SLC22A2: variants seen among roughly 807,000 people sequenced by gnomAD.
The protein encoded by SLC22A2 is solute carrier family 22 member 2.
Under a neutral mutation model 60.5 loss-of-function variants are expected in SLC22A2, and 46 were observed. The observed-to-expected ratio is 0.76, with a 90% CI of 0.60 to 0.97. The LOEUF is 0.97. Among genes scored for constraint, SLC22A2 ranks in the 50% least tolerant of loss-of-function variants. SLC22A2 has a pLI of 0.00. For synonymous variants in SLC22A2, 303 were observed against 267.0 expected (o/e 1.13, Z -1.31); for missense variants, 701 against 706.6 (o/e 0.99, Z 0.09).
At chr6:160,253,322 G>T (rs1783217477) in intron 2 of SLC22A2, among the ~76,000 whole-genome samples, 1 of 152,140 alleles carries the variant, frequency 6.6e-6, no homozygotes, top group Non-Finnish European at 1.5e-5. Flanking sequence ...GCAAATTAAG[G>T]GGTGGCTTAT....
chr6:160,243,763 TG>T lies in SLC22A2; in HGVS notation c.1087del (p.Gln363ArgfsTer31), dbSNP rs1783049420. On this transcript the variant is annotated frameshift_variant, in exon 7 of 11. Transcript: ENST00000366953. LOFTEE classifies it high-confidence loss of function. Reference protein sequence around the residue: ...YNWFTSSVLYQGLIMHMGLAG... With the variant: ...YNWFTSSVLYXGLIMHMGLAG... Reference sequence around the variant, plus strand: ...AAGGCCCATGTGCATGATGAGGCCCTGGTAGAGCACAGAGCTCGTGAACCTG... The same window carrying T: ...AAGGCCCATGTGCATGATGAGGCCCTGTAGAGCACAGAGCTCGTGAACCTG... The T allele has an allele frequency of 6.2e-7, 1 of 1,613,604 alleles. No homozygotes were observed. Among genetic ancestry groups the T allele is most frequent in the East Asian group, 2.2e-5 (1 of 44,882 alleles).
chr6:160,223,004 C>G (rs572483040), intron 10 of SLC22A2, among the ~76,000 whole-genome samples: 2 of 152,314 alleles, frequency 1.3e-5, no homozygotes, highest in East Asian at 3.9e-4. Flanking sequence ...TCTTCCAACT[C>G]TAAGACTCAA....
At chr6:160,241,016 G>A (rs936692486) in intron 9 of SLC22A2, among the ~76,000 whole-genome samples, 1 of 149,894 alleles carries the variant, frequency 6.7e-6, no homozygotes, top group Admixed American at 6.7e-5. Flanking sequence ...ATTGCCTTTT[G>A]CAAAATTTTA....
rs1554259562 is a variant in SLC22A2, at chr6:160,217,491, T to C, written c.1609A>G (p.Lys537Glu). Residue 537 changes from lysine (K) to glutamate (E), a missense_variant, in exon 11 of 11, where the codon AAA becomes GAA. By Grantham distance (56) the Lys-to-Glu change is moderately conservative. Coordinates refer to ENST00000366953, the MANE Select transcript of SLC22A2 (RefSeq NM_003058.4). Reference sequence around the variant, plus strand: ...AGGTAAATCATCTTTTCTTTATTTTTTCTTGGTCTGCAATAAGAAATAAAA... The same window carrying C: ...AGGTAAATCATCTTTTCTTTATTTTCTCTTGGTCTGCAATAAGAAATAAAA... ...EEAENMQRPR[K>E]NKEKMIYLQV... is the part of the protein sequence containing the mutation. 1 of 1,584,504 alleles carries C rather than the reference T, an allele frequency of 6.3e-7. No individual in the cohort carries two copies. The highest frequency in any genetic ancestry group is 8.7e-7 in the Non-Finnish European group (1 of 1,153,618).
At chr6:160,224,675 A>G (rs1177992335) in intron 10 of SLC22A2, 30 bp downstream of exon 10, 1 of 1,463,556 alleles carries the variant, frequency 6.8e-7, no homozygotes, top group Non-Finnish European at 9.5e-7. Flanking sequence ...CCTTTATAGA[A>G]CAATTCATTT....
intron 9 of SLC22A2, among the ~76,000 whole-genome samples, chr6:160,234,256 G>A (rs1462191772): frequency 6.6e-6 from 1 of 152,184 alleles, no homozygotes; most frequent in African/African-American, 2.4e-5. Context: ...CTGCACCCAG[G>A]TGAAATAAAC....
At chr6:160,258,289 T>G in intron 1 of SLC22A2, 55 bp downstream of exon 1, 757 of 1,528,920 alleles carry the variant, frequency 5.0e-4, no homozygotes, top group Non-Finnish European at 6.0e-4. Context: ...CTTGCTTCCT[T>G]GAGAAAATCT....
At chr6:160,241,932 A>G (rs1783010821) in intron 8 of SLC22A2, among the ~76,000 whole-genome samples, 1 of 90,518 alleles carries the variant, frequency 1.1e-5, no homozygotes, top group East Asian at 4.0e-4. Flanking sequence ...CTTGTTTTGT[A>G]TAAACCTTAA....
intron 6 of SLC22A2, chr6:160,244,387 G>A (rs1783059209): frequency 6.6e-6 from 1 of 152,500 alleles, no homozygotes; most frequent in East Asian, 1.9e-4. Flanking sequence ...CCAATGGAAT[G>A]ATTTATTTAG....
In SLC22A2 at chr6:160,256,692, C is replaced by T. The variant is rs757189482; in HGVS notation, c.440G>A (p.Trp147Ter). The T allele has an allele frequency of 6.2e-7, 1 of 1,613,820 alleles. No homozygotes were observed. Among genetic ancestry groups the T allele is most frequent in the Admixed American group, 1.7e-5 (1 of 60,018 alleles). Residue 147 changes from tryptophan (W) to a stop codon, truncating the protein, a stop_gained, in exon 2 of 11, where the codon TGG becomes TAG. Transcript: ENST00000366953. LOFTEE classifies it high-confidence loss of function. Reference protein sequence around the residue: ...TEFNLVCANSWMLDLFQSSVN... With the variant: ...TEFNLVCANS The stretch of plus-strand genomic sequence containing the variant: ...TGATGACTGGAATAGGTCCAACATC[C>T]AGGAGTTGGCACATACCAGGTTAAA...
At chr6:160,242,650 C>A (rs981881588) in intron 7 of SLC22A2, among the ~76,000 whole-genome samples, 17 of 152,068 alleles carry the variant, frequency 1.1e-4, no homozygotes, top group African/African-American at 4.1e-4. Context: ...AAGTTCACAG[C>A]AAAATGGAGA....
rs267600883 is a variant in SLC22A2 at position 160,250,671 on chromosome 6, C to T, written c.550G>A (p.Val184Ile). The change falls in exon 3 of 11, where the codon GTC (valine) becomes ATC (isoleucine). Residue 184 changes from valine (V) to isoleucine (I), a missense_variant. By Grantham distance (29) the Val-to-Ile change is conservative (BLOSUM62 3). Coordinates refer to ENST00000366953, the MANE Select transcript of SLC22A2 (RefSeq NM_003058.4). ...ACTCCAGCTGCAGCATTTATGAGGA[C>T]TGTAGTTAGGAGGCAGAGCTTACGG... is the stretch of plus-strand genomic sequence containing the variant. The part of the protein sequence containing the change: ...FGRKLCLLTT[V>I]LINAAAGVLM... 1 of 1,614,020 alleles carries T rather than the reference C, an allele frequency of 6.2e-7. No individual in the cohort carries two copies. Among genetic ancestry groups the T allele is most frequent in the Non-Finnish European group, 8.5e-7 (1 of 1,179,968 alleles).
intron 5 of SLC22A2, 80 bp from the exon 6 acceptor site, chr6:160,245,625 C>G: frequency 1.3e-6 from 1 of 745,538 alleles, no homozygotes; most frequent in Non-Finnish European, 2.1e-6. Context: ...ACAATAATTT[C>G]TTACCGTCCT....
chr6:160,243,550 T>A (rs928866391), intron 7 of SLC22A2, 22 bp downstream of exon 7: 49 of 1,569,442 alleles, frequency 3.1e-5, no homozygotes, highest in Non-Finnish European at 4.0e-5. Context: ...GAGATAAGAC[T>A]CCAACTTCAC....
intron 9 of SLC22A2, among the ~76,000 whole-genome samples, chr6:160,229,025 G>C (rs1782774337): frequency 6.6e-6 from 1 of 151,858 alleles, no homozygotes; most frequent in African/African-American, 2.4e-5. Context: ...CCTGTTTGGT[G>C]GTCTCTTCAC....
In SLC22A2 at chr6:160,247,263, T is replaced by C; in HGVS notation, c.878A>G (p.Gln293Arg). The C allele has an allele frequency of 6.2e-7, 1 of 1,613,542 alleles. No homozygotes were observed. The highest frequency in any genetic ancestry group is 1.1e-5 in the South Asian group (1 of 91,080). ...IPESPRWLISQNKNAEAMRII... is the reference protein window; with the variant it reads ...IPESPRWLISRNKNAEAMRII... The stretch of plus-strand genomic sequence containing the variant: ...TCTCATGGCTTCAGCATTCTTATTC[T>C]GGGAGATCAGCCACCTGGGAGACTC... Residue 293 changes from glutamine (Q) to arginine (R), a missense_variant, in exon 5 of 11, where the codon CAG becomes CGG. Gln to Arg is a conservative substitution (Grantham distance 43, BLOSUM62 1). Transcript: ENST00000366953.
chr6:160,250,102 A>G (rs1783158624), intron 3 of SLC22A2, among the ~76,000 whole-genome samples: 1 of 152,230 alleles, frequency 6.6e-6, no homozygotes, highest in Non-Finnish European at 1.5e-5. Flanking sequence ...ACCTAGGTTG[A>G]CTACAGTACT....
Position 160,258,777 on chromosome 6 carries a change from C to T in SLC22A2, c.-20G>A, listed in dbSNP as rs1583403874. The T allele has an allele frequency of 3.9e-6, 6 of 1,519,416 alleles. No individual in the cohort carries two copies. Among genetic ancestry groups the T allele is most frequent in the East Asian group, 2.3e-5 (1 of 43,668 alleles). 94.1% of individuals were successfully genotyped at this position (1,519,416 alleles called of 1,614,324 possible). The stretch of plus-strand genomic sequence containing the variant: ...GGGCATGATCCTGCAGGCAGGAGGG[C>T]CCGAGGCTGCCCGACGTGCCCGGAG... On this transcript the variant is annotated 5_prime_UTR_variant, in exon 1 of 11. Coordinates refer to ENST00000366953, the MANE Select transcript of SLC22A2 (RefSeq NM_003058.4).
chr6:160,258,662 G>A lies in SLC22A2; in HGVS notation c.96C>T (p.Thr32=). The A allele has an allele frequency of 1.9e-6, 3 of 1,613,734 alleles. No individual in the cohort carries two copies. The highest frequency in any genetic ancestry group is 2.2e-5 in the South Asian group (2 of 91,040). The change falls in exon 1 of 11, where the codon ACC becomes ACT. Residue 32 remains threonine, a synonymous_variant. Coordinates refer to ENST00000366953, the MANE Select transcript of SLC22A2 (RefSeq NM_003058.4). ...CGATGCCCACGTAGATGGGCGCGAA[G>A]GTAGCCGAGAGCAGAGCCAAGAGGA... ...MFFLLALLSA[T]FAPIYVGIVF...
Sources: gnomAD v4.1 joint callset for allele counts (sites outside exome capture counted in the v4.1 genomes callset) on GRCh38, gnomAD v4.1.1 for gene constraint, MANE v1.5 for transcripts, NCBI Gene and HGNC (gene_info 2026-07-23, HGNC 2026-07-21) for gene names.